ECPAS: variants seen among roughly 807,000 people sequenced by gnomAD.
The protein encoded by ECPAS is Ecm29 proteasome adaptor and scaffold.
Under a neutral mutation model 255.1 loss-of-function variants are expected in ECPAS, and 70 were observed. The ratio of observed to expected loss-of-function variants is 0.27; its 90% CI spans 0.23 to 0.33. The LOEUF (loss-of-function observed/expected upper bound fraction) is 0.33. ECPAS is among the 10% of genes least tolerant of loss of function. The pLI is 1.00. For missense variants in ECPAS, 1,817 were observed against 2,206.4 expected (o/e 0.82, Z 3.54); for synonymous variants, 784 against 775.0 (o/e 1.01, Z -0.19).
intron 2 of ECPAS, among the ~76,000 whole-genome samples, chr9:111,472,222 T>C (rs1467615170): frequency 3.3e-5 from 5 of 150,370 alleles, no homozygotes; most frequent in African/African-American, 1.2e-4. Flanking sequence ...TACTCCAGTC[T>C]GGGTGACACA....
chr9:111,465,585 C>T lies in ECPAS; in HGVS notation c.22+7312G>A, dbSNP rs115620702. 2.5e-3 allele frequency among the ~76,000 whole-genome samples: 356 copies of T among 141,480 alleles called. 4 individuals are homozygous for T. Among genetic ancestry groups the T allele is most frequent in the African/African-American group, 9.7e-3 (344 of 35,350 alleles). 92.8% of individuals were successfully genotyped at this position (141,480 alleles called of 152,430 possible). A position where few individuals can be genotyped will look rare whatever the true frequency, so the allele number is the denominator to read the frequency against. On this transcript the variant is annotated intron_variant, in intron 2 of 49. Coordinates refer to ENST00000684092, the MANE Select transcript of ECPAS (RefSeq NM_001364929.1). ...ACTTTCCTTCATGGTTGAAATAATTCGTTATTTTTAAAAGAATATATATAT... is the reference window on the plus strand; with the variant it reads ...ACTTTCCTTCATGGTTGAAATAATTTGTTATTTTTAAAAGAATATATATAT...
intron 2 of ECPAS, among the ~76,000 whole-genome samples, chr9:111,468,281 G>C (rs1180924592): frequency 6.6e-6 from 1 of 152,164 alleles, no homozygotes; most frequent in Non-Finnish European, 1.5e-5. Context: ...CCAATTTACA[G>C]TTGAGGAAAC....
intron 2 of ECPAS, among the ~76,000 whole-genome samples, chr9:111,462,165 T>C (rs1228792410): frequency 6.6e-6 from 1 of 152,136 alleles, no homozygotes; most frequent in Non-Finnish European, 1.5e-5. Flanking sequence ...TAAAGAATAT[T>C]CTCATTACCT....
intron 20 of ECPAS, among the ~76,000 whole-genome samples, chr9:111,413,525 G>A (rs1372883618): frequency 6.6e-6 from 1 of 152,054 alleles, no homozygotes. Flanking sequence ...TGTCAGAGGG[G>A]AGAGGAAAGG....
intron 18 of ECPAS, among the ~76,000 whole-genome samples, chr9:111,415,776 G>C (rs1297323791): frequency 1.3e-5 from 2 of 151,598 alleles, no homozygotes; most frequent in African/African-American, 4.8e-5. Flanking sequence ...CCATCCTCTG[G>C]AAGCTTTTTC....
At chr9:111,399,343 C>T (rs76919510) in intron 24 of ECPAS, among the ~76,000 whole-genome samples, 4,751 of 152,288 alleles carry the variant, frequency 0.031, 123 homozygotes, top group East Asian at 0.063. Context: ...CAAGAGGAGA[C>T]TGACTGAATA....
chr9:111,377,773 G>A (rs1384333142), intron 36 of ECPAS, among the ~76,000 whole-genome samples: 1 of 152,196 alleles, frequency 6.6e-6, no homozygotes, highest in African/African-American at 2.4e-5. Context: ...TGGTGATTGG[G>A]AGACCTTCTA....
At chr9:111,456,844 G>T (rs996171715) in intron 2 of ECPAS, among the ~76,000 whole-genome samples, 2 of 152,176 alleles carry the variant, frequency 1.3e-5, no homozygotes, top group African/African-American at 4.8e-5. Context: ...AGAGTGGAGA[G>T]GGAAGAGGCA....
chr9:111,480,774 A>G (rs183622337), intron 1 of ECPAS, among the ~76,000 whole-genome samples: 67 of 152,362 alleles, frequency 4.4e-4, no homozygotes, highest in African/African-American at 1.6e-3. Flanking sequence ...AAGTCCACCG[A>G]TATCTGTGGC....
chr9:111,468,485 A>G (rs1423374213), intron 2 of ECPAS, among the ~76,000 whole-genome samples: 2 of 152,180 alleles, frequency 1.3e-5, no homozygotes, highest in African/African-American at 4.8e-5. Context: ...GCAGAGATGC[A>G]GCAGTTACTG....
intron 22 of ECPAS, 30 bp from the exon 23 acceptor site, chr9:111,410,243 T>G: frequency 1.9e-6 from 3 of 1,585,358 alleles, no homozygotes; most frequent in Non-Finnish European, 2.6e-6. Flanking sequence ...AAAAGAGAAT[T>G]ACATACCATT....
In ECPAS at chr9:111,479,515, C is replaced by A. The variant is rs529870457; in HGVS notation, c.-83+4601G>T. ...GACTGAGGCAGAAGAATCACTTGAA[C>A]CCAGGATGTGGAGGTTGCAGTGAGC... On this transcript the variant is annotated intron_variant, in intron 1 of 49. Coordinates refer to ENST00000684092, the MANE Select transcript of ECPAS (RefSeq NM_001364929.1). 1.6e-3 allele frequency among the ~76,000 whole-genome samples: 247 copies of A among 152,156 alleles called. 1 individual carries two copies. The highest frequency in any genetic ancestry group is 5.8e-3 in the African/African-American group (240 of 41,506).
intron 1 of ECPAS, among the ~76,000 whole-genome samples, chr9:111,474,746 T>A (rs2098294163): frequency 6.6e-6 from 1 of 152,232 alleles, no homozygotes; most frequent in South Asian, 2.1e-4. Context: ...AGAGCTTAAG[T>A]GTTTACACAG....
chr9:111,463,774 T>C (rs1451997316), intron 2 of ECPAS, among the ~76,000 whole-genome samples: 1 of 152,094 alleles, frequency 6.6e-6, no homozygotes, highest in Non-Finnish European at 1.5e-5. Context: ...GATTCAAATC[T>C]AACAGTACCA....
In ECPAS at chr9:111,442,125, A is replaced by T. The variant is rs182766596; in HGVS notation, c.389+181T>A. Among the ~76,000 whole-genome samples, 28 of 152,364 alleles carry T rather than the reference A, an allele frequency of 1.8e-4. 2 individuals carry two copies. The East Asian group carries it at 5.2e-3, about 28-fold the overall frequency. ...CATTTTTCAATGTTCACATCAAGAA[A>T]TTTTATGATAGTATTAACAAAACGG... On this transcript the variant is annotated intron_variant, in intron 5 of 49. Transcript: ENST00000684092.
At chr9:111,433,622 T>C (rs2098233372) in intron 7 of ECPAS, among the ~76,000 whole-genome samples, 1 of 152,130 alleles carries the variant, frequency 6.6e-6, no homozygotes, top group African/African-American at 2.4e-5. Context: ...AGGCAAGGCT[T>C]AAAAGATTAA....
At chr9:111,412,508 C>T (rs1241606262) in intron 20 of ECPAS, among the ~76,000 whole-genome samples, 2 of 152,192 alleles carry the variant, frequency 1.3e-5, no homozygotes, top group African/African-American at 2.4e-5. Context: ...AATGAATGAG[C>T]GTGGCTGGGT....
chr9:111,369,326 G>T (rs1335456347), intron 45 of ECPAS, among the ~76,000 whole-genome samples, 153 bp from the exon 46 acceptor site: 9 of 152,126 alleles, frequency 5.9e-5, no homozygotes, highest in Admixed American at 5.9e-4. Flanking sequence ...TTTACAACAA[G>T]AATTTATAAC....
intron 24 of ECPAS, 101 bp downstream of exon 24, chr9:111,408,470 T>C: frequency 1.5e-6 from 1 of 662,140 alleles, no homozygotes; most frequent in African/African-American, 1.8e-5. Context: ...AAGTAAATGC[T>C]TAATTAAAAA....
Sources: allele counts gnomAD v4.1 joint callset (sites outside exome capture counted in the v4.1 genomes callset), GRCh38; gene constraint gnomAD v4.1.1; transcripts MANE v1.5; gene names NCBI Gene and HGNC (gene_info 2026-07-23, HGNC 2026-07-21).